The following GABRA2 variants were observed in gnomAD, a reference collection of about 807,000 sequenced individuals.
The protein encoded by GABRA2 is gamma-aminobutyric acid type A receptor subunit alpha2, also known as gamma-aminobutyric acid receptor subunit alpha-2.
In GABRA2, 16 loss-of-function variants were observed where a neutral mutation model predicts 48.7. The observed-to-expected ratio is 0.33, with a 90% CI of 0.22 to 0.50. The LOEUF is 0.50. GABRA2 is among the 20% of genes least tolerant of loss of function. The probability of loss-of-function intolerance (pLI) is 0.98; values close to 1 mark genes in which losing one functional copy is unlikely to be tolerated. For missense variants in GABRA2, 275 were observed against 535.6 expected (o/e 0.51, Z 4.80); for synonymous variants, 185 against 184.5 (o/e 1.00, Z -0.02).
intron 3 of GABRA2, chr4:46,369,063 T>C: frequency 1.5e-6 from 1 of 687,620 alleles, no homozygotes; most frequent in Non-Finnish European, 2.7e-6. Flanking sequence ...TAATCAAATC[T>C]AACTAAAAGT....
chr4:46,357,032 G>A (rs1350992504), intron 3 of GABRA2, among the ~76,000 whole-genome samples: 1 of 147,212 alleles, frequency 6.8e-6, no homozygotes, highest in Non-Finnish European at 1.5e-5. Context: ...TTTGTTTTTT[G>A]CTTCCCGTGA....
At chr4:46,250,888 A>G (rs1714613841) in intron 9 of GABRA2, among the ~76,000 whole-genome samples, 1 of 151,598 alleles carries the variant, frequency 6.6e-6, no homozygotes, top group Non-Finnish European at 1.5e-5. Flanking sequence ...AAAAAACAAT[A>G]TAACTTTTCT....
At position 46,245,556 on chromosome 4, in the gene GABRA2, T is replaced by C. The variant is rs1392006408; in HGVS notation, c.*4752A>G. Reference sequence around the variant, plus strand: ...AGTTTGTTATGGATTTACTGAAAAATGTGTTCTAGTGTGCAAGTTAATTGC... The same window carrying C: ...AGTTTGTTATGGATTTACTGAAAAACGTGTTCTAGTGTGCAAGTTAATTGC... On this transcript the variant is annotated 3_prime_UTR_variant, in exon 10 of 10. Coordinates refer to ENST00000381620, the MANE Select transcript of GABRA2 (RefSeq NM_000807.4). Among the ~76,000 whole-genome samples, 1 of 151,402 alleles carries C rather than the reference T, an allele frequency of 6.6e-6. No individual in the cohort carries two copies. Among genetic ancestry groups the C allele is most frequent in the African/African-American group, 2.4e-5 (1 of 41,380 alleles).
At position 46,357,658 on chromosome 4, in the gene GABRA2, TTTTC is replaced by T. The variant is rs1298998109; in HGVS notation, c.188-24980_188-24977del. On this transcript the variant is annotated intron_variant, in intron 3 of 9. Transcript: ENST00000381620. Reference sequence around the variant, plus strand: ...CTTTGTGAAGCTTTTTTATTTTTTATTTTCTTTCTTTTTTTTTTTTTTTTTGACA... The same window carrying T: ...CTTTGTGAAGCTTTTTTATTTTTTATTTTCTTTTTTTTTTTTTTTTTGACA... 2.3e-3 allele frequency among the ~76,000 whole-genome samples: 339 copies of T among 150,498 alleles called. 4 individuals carry two copies. The highest frequency in any genetic ancestry group is 8.1e-3 in the African/African-American group (330 of 40,752).
chr4:46,285,026 C>CAAA (rs201301399), intron 8 of GABRA2, among the ~76,000 whole-genome samples: 3 of 118,472 alleles, frequency 2.5e-5, no homozygotes, highest in Admixed American at 8.7e-5. Context: ...TGCTCACCCT[C>CAAA]AAAAAAAAAA....
chr4:46,388,874 C>T (rs973569384), intron 1 of GABRA2, 158 bp from the exon 2 acceptor site: 2 of 1,343,766 alleles, frequency 1.5e-6, no homozygotes, highest in Non-Finnish European at 1.9e-6. Flanking sequence ...GATTGAGAGA[C>T]GATTTCTTTT....
chr4:46,378,849 A>C (rs1339549794), intron 3 of GABRA2, among the ~76,000 whole-genome samples: 1 of 151,872 alleles, frequency 6.6e-6, no homozygotes, highest in Non-Finnish European at 1.5e-5. Context: ...AAAGTAGGCA[A>C]TATTTTCTGG....
At chr4:46,370,465 G>A (rs1255546520) in intron 3 of GABRA2, among the ~76,000 whole-genome samples, 2 of 152,110 alleles carry the variant, frequency 1.3e-5, no homozygotes, top group African/African-American at 4.8e-5. Context: ...GTAGATCTAT[G>A]AAGTCCAACA....
At chr4:46,267,137 C>T (rs1316190508) in intron 8 of GABRA2, among the ~76,000 whole-genome samples, 11 of 151,942 alleles carry the variant, frequency 7.2e-5, no homozygotes. Flanking sequence ...GATTAATTTT[C>T]CTCATTGTTT....
chr4:46,329,773 G>A (rs1731020434), intron 4 of GABRA2, among the ~76,000 whole-genome samples: 2 of 152,006 alleles, frequency 1.3e-5, no homozygotes, highest in Admixed American at 6.6e-5. Flanking sequence ...TATATAGTAT[G>A]CTCCCATTTG....
rs533975896 is a variant in GABRA2 at position 46,247,547 on chromosome 4, T to C, written c.*2761A>G. Among the ~76,000 whole-genome samples, 4 of 151,230 alleles carry C rather than the reference T, an allele frequency of 2.6e-5. No individual in the cohort carries two copies. Among genetic ancestry groups the C allele is most frequent in the African/African-American group, 9.7e-5 (4 of 41,442 alleles). Reference sequence around the variant, plus strand: ...GTAGCTATAAAATAATGAGATTATATCTCTATATATGTACATGTATTTATC... The same window carrying C: ...GTAGCTATAAAATAATGAGATTATACCTCTATATATGTACATGTATTTATC... On this transcript the variant is annotated 3_prime_UTR_variant, in exon 10 of 10. Transcript: ENST00000381620.
intron 3 of GABRA2, among the ~76,000 whole-genome samples, chr4:46,370,414 A>G (rs1714707357): frequency 6.6e-6 from 1 of 152,130 alleles, no homozygotes; most frequent in African/African-American, 2.4e-5. Context: ...CAAACAAACA[A>G]AAAACCCAAC....
chr4:46,369,259 A>C (rs1437253348), intron 3 of GABRA2, among the ~76,000 whole-genome samples: 3 of 152,100 alleles, frequency 2.0e-5, no homozygotes, highest in African/African-American at 7.2e-5. Flanking sequence ...AATTTCATTG[A>C]GCTACTGTCA....
chr4:46,360,393 T>G (rs778121833), intron 3 of GABRA2, among the ~76,000 whole-genome samples: 2 of 152,180 alleles, frequency 1.3e-5, no homozygotes, highest in Non-Finnish European at 2.9e-5. Context: ...TGTCAAGAGA[T>G]CTGACGGTTT....
intron 3 of GABRA2, among the ~76,000 whole-genome samples, chr4:46,356,232 T>C (rs1406862331): frequency 6.6e-6 from 1 of 152,202 alleles, no homozygotes; most frequent in Non-Finnish European, 1.5e-5. Flanking sequence ...TCTTTTGCTC[T>C]GCTTTTAATC....
chr4:46,261,930 T>C lies in GABRA2; in HGVS notation c.1055A>G (p.Asp352Gly). 1.2e-6 allele frequency: 2 copies of C among 1,612,958 alleles called. No individual in the cohort carries two copies. The highest frequency in any genetic ancestry group is 1.7e-6 in the Non-Finnish European group (2 of 1,179,050). Residue 352 changes from aspartate (D) to glycine (G), a missense_variant, in exon 9 of 10, where the codon GAC becomes GGC. Coordinates refer to ENST00000381620, the MANE Select transcript of GABRA2 (RefSeq NM_000807.4). ...AACACGGAAGCTCTCACTTACCTTG[T>C]CATTTACTACACTCTTCCCATCCCA... ...WAWDGKSVVN[D>G]KKKEKASVMI...
At chr4:46,335,663 G>A (rs141173287) in intron 3 of GABRA2, among the ~76,000 whole-genome samples, 1,988 of 152,122 alleles carry the variant, frequency 0.013, 44 homozygotes, top group Non-Finnish European at 0.02. Flanking sequence ...TAGAGATGGG[G>A]TTTCACCATG....
rs1486126429 is a variant in GABRA2 at position 46,244,855 on chromosome 4, T to C, written c.*5453A>G. 6.6e-6 allele frequency among the ~76,000 whole-genome samples: 1 copy of C among 151,362 alleles called. No individual in the cohort carries two copies. The highest frequency in any genetic ancestry group is 1.5e-5 in the Non-Finnish European group (1 of 67,514). On this transcript the variant is annotated 3_prime_UTR_variant, in exon 10 of 10. Coordinates refer to ENST00000381620, the MANE Select transcript of GABRA2 (RefSeq NM_000807.4). ...ATAGCTAGCATCACAAAAACGGGTATTGCTTACTGTACAGTACAGTTTTAT... is the reference window on the plus strand; with the variant it reads ...ATAGCTAGCATCACAAAAACGGGTACTGCTTACTGTACAGTACAGTTTTAT...
chr4:46,274,496 T>C (rs1275165989), intron 8 of GABRA2, among the ~76,000 whole-genome samples: 1 of 152,112 alleles, frequency 6.6e-6, no homozygotes, highest in African/African-American at 2.4e-5. Context: ...GCTTGAGAAG[T>C]GGCTATACAT....
Sources: allele counts gnomAD v4.1 joint callset (sites outside exome capture counted in the v4.1 genomes callset), GRCh38; gene constraint gnomAD v4.1.1; transcripts MANE v1.5; gene names NCBI Gene and HGNC (gene_info 2026-07-23, HGNC 2026-07-21).